TAOK1: variants seen among roughly 807,000 people sequenced by gnomAD.
TAOK1 encodes TAO kinase 1, also known as serine/threonine-protein kinase TAO1.
In TAOK1, 21 loss-of-function variants were observed where a neutral mutation model predicts 138.3. The ratio of observed to expected loss-of-function variants is 0.15; its 90% CI spans 0.11 to 0.22. The LOEUF is 0.22. Among genes scored for constraint, TAOK1 ranks in the 10% least tolerant of loss-of-function variants. The probability of loss-of-function intolerance (pLI) is 1.00; values close to 1 mark genes in which losing one functional copy is unlikely to be tolerated. For synonymous variants in TAOK1, 361 were observed against 398.4 expected (o/e 0.91, Z 1.12); for missense variants, 651 against 1,227.7 (o/e 0.53, Z 7.02).
intron 3 of TAOK1, among the ~76,000 whole-genome samples, chr17:29,471,272 CTTTCTT>C (rs1479536148): frequency 8.7e-6 from 1 of 115,544 alleles, no homozygotes; most frequent in Non-Finnish European, 1.7e-5. Context: ...AAAATATTTT[CTTTCTT>C]TTTTTTTTTT....
intron 3 of TAOK1, 147 bp from the exon 4 acceptor site, chr17:29,475,521 AAG>A (rs2030925570): frequency 1.4e-5 from 8 of 574,036 alleles, no homozygotes; most frequent in Non-Finnish European, 2.4e-5. Context: ...GCCTGGGTGA[AAG>A]AGCAAGACCC....
chr17:29,472,573 C>CT (rs34588170), intron 3 of TAOK1, among the ~76,000 whole-genome samples: 192 of 111,738 alleles, frequency 1.7e-3, no homozygotes, highest in South Asian at 0.017. Context: ...TTCTTTCTTT[C>CT]TTTTTTTTTT....
At chr17:29,495,295 G>A (rs970478186) in intron 10 of TAOK1, among the ~76,000 whole-genome samples, 1 of 152,092 alleles carries the variant, frequency 6.6e-6, no homozygotes, top group Non-Finnish European at 1.5e-5. Context: ...AATTCTTAGT[G>A]TTTAGACCCT....
intron 2 of TAOK1, among the ~76,000 whole-genome samples, chr17:29,456,116 G>T (rs1055668284): frequency 6.6e-6 from 1 of 150,422 alleles, no homozygotes; most frequent in African/African-American, 2.5e-5. Context: ...GGGAGGCCAA[G>T]GCAGGCAGAT....
At chr17:29,498,146 AAACT>A (rs1292771711) in intron 11 of TAOK1, among the ~76,000 whole-genome samples, 168 bp from the exon 12 acceptor site, 4 of 152,238 alleles carry the variant, frequency 2.6e-5, no homozygotes, top group South Asian at 4.1e-4. Context: ...GTTTTTCAAT[AAACT>A]AACAGTTGAT....
In TAOK1 at chr17:29,457,401, C is replaced by A. The variant is rs530437367; in HGVS notation, c.132+5721C>A. Among the ~76,000 whole-genome samples the A allele has an allele frequency of 2.3e-3, 236 of 102,750 alleles. 2 individuals are homozygous for A. The highest frequency in any genetic ancestry group is 9.1e-3 in the African/African-American group (228 of 25,118). 67.4% of individuals were successfully genotyped at this position (102,750 alleles called of 152,430 possible). A position where few individuals can be genotyped will look rare whatever the true frequency, so the allele number is the denominator to read the frequency against. The stretch of plus-strand genomic sequence containing the variant: ...TACAGGCGTGAGCCACCACCCCAGG[C>A]CTTTTTTTTTTTTTTTTTTTTTGAG... On this transcript the variant is annotated intron_variant, in intron 2 of 19. Coordinates refer to ENST00000261716, the MANE Select transcript of TAOK1 (RefSeq NM_020791.4).
chr17:29,522,597 G>A, intron 17 of TAOK1, 78 bp downstream of exon 17: 14 of 1,559,404 alleles, frequency 9.0e-6, no homozygotes, highest in Non-Finnish European at 1.2e-5. Flanking sequence ...GTCTTAAGAT[G>A]ATGTCTAGTC....
intron 4 of TAOK1, among the ~76,000 whole-genome samples, chr17:29,477,380 T>C (rs1462098756): frequency 6.6e-6 from 1 of 151,862 alleles, no homozygotes; most frequent in African/African-American, 2.4e-5. Flanking sequence ...ACACAGCTTA[T>C]AGAAGTGATT....
chr17:29,425,981 C>T (rs549246746), intron 1 of TAOK1, among the ~76,000 whole-genome samples: 19 of 152,194 alleles, frequency 1.2e-4, no homozygotes, highest in African/African-American at 2.4e-4. Flanking sequence ...TCTGGGTTCA[C>T]GCCATTCTCC....
intron 19 of TAOK1, among the ~76,000 whole-genome samples, chr17:29,535,451 A>C (rs994240012): frequency 6.6e-6 from 1 of 152,196 alleles, no homozygotes; most frequent in African/African-American, 2.4e-5. Context: ...TTTAATACTT[A>C]CCTAATGATC....
rs534720300 is a variant in TAOK1 at position 29,405,032 on chromosome 17, C to T, written c.-95+14008C>T. ...TTTGCTCTTGTTGCCCAGGCTGGAG[C>T]GCAATGGCATGATCTCGGCTCACCG... is the stretch of plus-strand genomic sequence containing the variant. On this transcript the variant is annotated intron_variant, in intron 1 of 19. Transcript: ENST00000261716. Among the ~76,000 whole-genome samples, 16 of 152,158 alleles carry T rather than the reference C, an allele frequency of 1.1e-4. 1 individual carries two copies. In the South Asian group the frequency reaches 2.7e-3, roughly 26 times the overall value.
At chr17:29,502,842 T>TA in intron 13 of TAOK1, 119 bp downstream of exon 13, 1 of 1,156,534 alleles carries the variant, frequency 8.6e-7, no homozygotes, top group Non-Finnish European at 1.2e-6. Context: ...AATACTCATT[T>TA]AATATTTAAG....
intron 1 of TAOK1, among the ~76,000 whole-genome samples, chr17:29,444,441 A>T (rs2030026745): frequency 1.3e-5 from 2 of 152,208 alleles, no homozygotes; most frequent in Admixed American, 6.5e-5. Context: ...TATGCACTGG[A>T]TGCTGTTAAC....
intron 19 of TAOK1, 111 bp downstream of exon 19, chr17:29,534,411 C>A: frequency 2.0e-6 from 2 of 1,006,476 alleles, no homozygotes; most frequent in Non-Finnish European, 2.7e-6. Context: ...TTTCACAATA[C>A]CACATTTCCT....
rs1423743044 is a variant in TAOK1 at position 29,451,554 on chromosome 17, A to G, written c.6A>G (p.Pro2=). 3 of 1,611,214 alleles carry G rather than the reference A, an allele frequency of 1.9e-6. No homozygotes were observed. Among genetic ancestry groups the G allele is most frequent in the South Asian group, 1.1e-5 (1 of 90,832 alleles). ...ACAGCTGACTGCTCAGCAGGATGCC[A>G]TCAACTAACAGAGCAGGCAGCCTGA... M[P]STNRAGSLKD... The change falls in exon 2 of 20, where the codon CCA becomes CCG. Residue 2 remains proline, a synonymous_variant. Coordinates refer to ENST00000261716, the MANE Select transcript of TAOK1 (RefSeq NM_020791.4).
chr17:29,439,603 A>C (rs1327843953), intron 1 of TAOK1, among the ~76,000 whole-genome samples: 1 of 152,112 alleles, frequency 6.6e-6, no homozygotes, highest in East Asian at 1.9e-4. Flanking sequence ...CCTCCAGAAC[A>C]GTTACCTGTG....
chr17:29,468,134 A>ATTTTTTTTTTTTTTT (rs2030720265), intron 3 of TAOK1, among the ~76,000 whole-genome samples: 1 of 48,806 alleles, frequency 2.0e-5, no homozygotes, highest in South Asian at 7.3e-4. Flanking sequence ...GCCTGCTTTC[A>ATTTTTTTTTTTTTTT]ATTTTTTTTT....
At chr17:29,409,333 ATTTTTT>A (rs869195465) in intron 1 of TAOK1, among the ~76,000 whole-genome samples, 38 of 59,024 alleles carry the variant, frequency 6.4e-4, no homozygotes, top group African/African-American at 2.2e-3. Context: ...ATATATATAT[ATTTTTT>A]TTTTTTTTTT....
intron 1 of TAOK1, among the ~76,000 whole-genome samples, chr17:29,403,207 C>T (rs1341269489): frequency 1.4e-5 from 2 of 143,382 alleles, no homozygotes; most frequent in South Asian, 2.3e-4. Flanking sequence ...CAATGTGTTA[C>T]ATCTAACCAT....
Sources: allele counts gnomAD v4.1 joint callset (sites outside exome capture counted in the v4.1 genomes callset), GRCh38; gene constraint gnomAD v4.1.1; transcripts MANE v1.5; gene names NCBI Gene and HGNC (gene_info 2026-07-23, HGNC 2026-07-21).